The following NUP160 variants were observed in gnomAD, a reference collection of about 807,000 sequenced individuals.
The protein encoded by NUP160 is nuclear pore complex protein Nup160.
Under a neutral mutation model 196.9 loss-of-function variants are expected in NUP160, and 94 were observed. The observed-to-expected ratio is 0.48, with a 90% CI of 0.40 to 0.57. NUP160 has a LOEUF of 0.57. Among genes scored for constraint, NUP160 ranks in the 20% least tolerant of loss-of-function variants. The probability of loss-of-function intolerance (pLI) is 0.00; values close to 1 mark genes in which losing one functional copy is unlikely to be tolerated. For synonymous variants in NUP160, 605 were observed against 619.7 expected, an observed-to-expected ratio of 0.98 and a Z score of 0.35; for missense variants, 1,638 against 1,748.3, an observed-to-expected ratio of 0.94 and a Z score of 1.13.
exon 23 of NUP160, chr11:47,801,817 A>G: frequency 6.2e-7 from 1 of 1,614,056 alleles, no homozygotes; most frequent in South Asian, 1.1e-5. Flanking sequence ...GTACCTTGTC[A>G]TAATACTGCA....
intron 2 of NUP160, among the ~76,000 whole-genome samples, chr11:47,842,025 C>T (rs1238932111): frequency 6.6e-6 from 1 of 151,952 alleles, no homozygotes; most frequent in Admixed American, 6.6e-5. Flanking sequence ...CAGCATTCCA[C>T]ATGATTACAG....
chr11:47,843,862 T>C (rs1039494841), intron 2 of NUP160, among the ~76,000 whole-genome samples: 2 of 152,214 alleles, frequency 1.3e-5, no homozygotes, highest in African/African-American at 2.4e-5. Flanking sequence ...TTAGCCCAAC[T>C]TCTCCACTCA....
Position 47,848,284 on chromosome 11 carries a change from A to G in NUP160, c.137T>C (p.Val46Ala), listed in dbSNP as rs150879687. Residue 46 changes from valine (V) to alanine (A), a missense_variant, in exon 1 of 36, where the codon GTG becomes GCG. Physicochemically the swap from Val to Ala is moderately conservative, Grantham distance 64 (BLOSUM62 0). Around this residue, in one of 3 missense-constraint regions of NUP160, gnomAD observed 287 missense variants for 259.5 expected, o/e 1.11. Coordinates refer to ENST00000378460, the Ensembl canonical transcript of NUP160. The stretch of plus-strand genomic sequence containing the variant: ...TTCGCGCTCAGCTCCGCTTAGCTCC[A>G]CGAAGCTCCGTTCCAGGGCTCCCGC... 52 of 1,613,958 alleles carry G rather than the reference A, an allele frequency of 3.2e-5. No individual in the cohort carries two copies. The Middle Eastern group carries it at 3.1e-3, about 97-fold the overall frequency.
At chr11:47,806,237 G>C (rs1322371234) in exon 20 of NUP160, 1 of 1,613,786 alleles carries the variant, frequency 6.2e-7, no homozygotes, top group Non-Finnish European at 8.5e-7. Flanking sequence ...CTTTGGCTGA[G>C]AGAAGAGGTG....
At chr11:47,784,794 G>T in intron 33 of NUP160, 128 bp downstream of exon 33, 1 of 616,434 alleles carries the variant, frequency 1.6e-6, no homozygotes, top group Non-Finnish European at 2.5e-6. Context: ...CTCCCCTGTT[G>T]GCCTACCAAT....
intron 7 of NUP160, among the ~76,000 whole-genome samples, chr11:47,823,598 G>A (rs1220110651): frequency 4.0e-5 from 6 of 151,882 alleles, no homozygotes; most frequent in Non-Finnish European, 8.8e-5. Flanking sequence ...GCAATGGTGC[G>A]ATCTCGGCTC....
At chr11:47,787,887 T>C (rs2097665578) in intron 31 of NUP160, among the ~76,000 whole-genome samples, 1 of 152,114 alleles carries the variant, frequency 6.6e-6, no homozygotes, top group African/African-American at 2.4e-5. Context: ...CCGACTAATT[T>C]TTTTTGTATT....
At chr11:47,779,704 T>G in intron 35 of NUP160, 1 of 421,154 alleles carries the variant, frequency 2.4e-6, no homozygotes, top group South Asian at 1.9e-5. Flanking sequence ...CTCAGGACAG[T>G]GATAATTTAT....
At chr11:47,791,900 CA>C in intron 29 of NUP160, 29 bp downstream of exon 29, 1 of 1,485,608 alleles carries the variant, frequency 6.7e-7, no homozygotes, top group Non-Finnish European at 9.4e-7. Context: ...TACTGTCTAG[CA>C]AAGAACCAGT....
chr11:47,785,050 C>A, exon 33 of NUP160: 4 of 1,500,236 alleles, frequency 2.7e-6, no homozygotes, highest in South Asian at 1.3e-5. Flanking sequence ...AGTCGCCATG[C>A]TTCATCTGTA....
intron 18 of NUP160, among the ~76,000 whole-genome samples, chr11:47,807,471 G>T (rs569800273): frequency 2.6e-5 from 4 of 152,180 alleles, no homozygotes; most frequent in African/African-American, 9.6e-5. Flanking sequence ...TTCAAGACCA[G>T]CCTGGCCAAC....
intron 9 of NUP160, 78 bp downstream of exon 9, chr11:47,821,646 C>T (rs1359823426): frequency 1.9e-6 from 2 of 1,052,930 alleles, no homozygotes; most frequent in East Asian, 2.4e-5. Flanking sequence ...AGGCATGAGA[C>T]ACGGCGCCCG....
At chr11:47,839,513 G>A (rs1852252405) in intron 4 of NUP160, 2 of 270,160 alleles carry the variant, frequency 7.4e-6, no homozygotes, top group Non-Finnish European at 1.4e-5. Context: ...CTTGGTGCAG[G>A]GTATTTAATG....
At chr11:47,798,522 A>T (rs1049975500) in intron 23 of NUP160, 59 bp from the exon 24 acceptor site, 1 of 955,130 alleles carries the variant, frequency 1.0e-6, no homozygotes, top group African/African-American at 1.6e-5. Flanking sequence ...CTTCAAACTC[A>T]ATTATGGTTT....
intron 11 of NUP160, among the ~76,000 whole-genome samples, chr11:47,817,432 T>G (rs1345391934): frequency 6.6e-5 from 10 of 150,654 alleles, no homozygotes; most frequent in Admixed American, 6.0e-4. Flanking sequence ...AACCTCTGCC[T>G]CCCGGGTTCA....
At chr11:47,783,739 T>A (rs1309425144) in intron 33 of NUP160, among the ~76,000 whole-genome samples, 2 of 152,200 alleles carry the variant, frequency 1.3e-5, no homozygotes, top group East Asian at 1.9e-4. Flanking sequence ...TTATTTATTT[T>A]TTTTGAGACA....
At chr11:47,840,430 T>C (rs1212602614) in exon 3 of NUP160, 4 of 1,614,038 alleles carry the variant, frequency 2.5e-6, no homozygotes, top group African/African-American at 1.3e-5. Context: ...CACTGTTTGA[T>C]TGGTTAACAT....
At chr11:47,813,041 T>A in exon 15 of NUP160, 1 of 1,595,990 alleles carries the variant, frequency 6.3e-7, no homozygotes, top group African/African-American at 1.3e-5. Flanking sequence ...CCGAGCGATG[T>A]CCACATCTAC....
chr11:47,798,443 G>A (rs1325836319), exon 24 of NUP160: 1 of 1,598,170 alleles, frequency 6.3e-7, no homozygotes, highest in South Asian at 1.1e-5. Flanking sequence ...GCAAACCAAT[G>A]ACATCTAGTA....
Sources: gnomAD v4.1 joint callset for allele counts (sites outside exome capture counted in the v4.1 genomes callset) on GRCh38, gnomAD v4.1.1 for gene constraint, gnomAD v4.1.1 regional missense constraint, MANE v1.5 for transcripts, NCBI Gene and HGNC (gene_info 2026-07-23, HGNC 2026-07-21) for gene names.